The following FMN2 variants were observed in gnomAD, a reference collection of about 807,000 sequenced individuals.
The protein encoded by FMN2 is formin 2.
In FMN2, 51 loss-of-function variants were observed where a neutral mutation model predicts 142.3. The ratio of observed to expected loss-of-function variants is 0.36; its 90% CI spans 0.29 to 0.45. The LOEUF (loss-of-function observed/expected upper bound fraction) is 0.45, where lower values mean the gene tolerates loss of function less well. Among genes scored for constraint, FMN2 ranks in the 20% least tolerant of loss-of-function variants. FMN2 has a pLI of 1.00. For synonymous variants in FMN2, 882 were observed against 869.8 expected, an observed-to-expected ratio of 1.01 and a Z score of -0.25; for missense variants, 1,936 against 2,122.8, an observed-to-expected ratio of 0.91 and a Z score of 1.73.
intron 15 of FMN2, among the ~76,000 whole-genome samples, chr1:240,431,283 A>G (rs1329234753): frequency 2.0e-5 from 3 of 151,504 alleles, no homozygotes; most frequent in Non-Finnish European, 4.4e-5. Flanking sequence ...TCTACCTTGT[A>G]TCTTATGGGA....
chr1:240,290,065 A>G (rs372951981), intron 7 of FMN2, among the ~76,000 whole-genome samples: 193 of 152,318 alleles, frequency 1.3e-3, no homozygotes, highest in Non-Finnish European at 2.1e-3. Flanking sequence ...CTGCCTGCGC[A>G]CAGTCAAGAG....
At chr1:240,349,964 T>TTA (rs1553367011) in intron 13 of FMN2, among the ~76,000 whole-genome samples, 11 of 151,844 alleles carry the variant, frequency 7.2e-5, no homozygotes, top group Non-Finnish European at 1.6e-4. Context: ...ATTTTTTTTT[T>TTA]TTATTTACAT....
At chr1:240,372,745 G>A (rs1281495297) in intron 14 of FMN2, among the ~76,000 whole-genome samples, 1 of 151,122 alleles carries the variant, frequency 6.6e-6, no homozygotes, top group East Asian at 2.0e-4. Context: ...GACCACCACA[G>A]TAAAGCAATA....
At chr1:240,201,429 T>C (rs1007272926) in intron 4 of FMN2, among the ~76,000 whole-genome samples, 7 of 152,278 alleles carry the variant, frequency 4.6e-5, no homozygotes, top group African/African-American at 1.2e-4. Context: ...GAGCACCTCG[T>C]GGAGTTAGCT....
rs141587134 is a variant in FMN2, at chr1:240,325,807, G to A, written c.4216-3269G>A. On this transcript the variant is annotated intron_variant, in intron 8 of 17. Coordinates refer to ENST00000319653, the MANE Select transcript of FMN2 (RefSeq NM_020066.5). ...AGAGGGCCCCAAGCACAGTGTTAAA[G>A]TGCTGGCTAGTGTTTCTGAGCACAA... Among the ~76,000 whole-genome samples, 181 of 152,328 alleles carry A rather than the reference G, an allele frequency of 1.2e-3. 1 individual carries two copies. Among genetic ancestry groups the A allele is most frequent in the African/African-American group, 4.2e-3 (176 of 41,566 alleles).
intron 14 of FMN2, among the ~76,000 whole-genome samples, chr1:240,385,949 T>G (rs1216740436): frequency 5.3e-5 from 8 of 152,302 alleles, no homozygotes; most frequent in Non-Finnish European, 1.5e-5. Flanking sequence ...AGCTGTAAAT[T>G]ATTGCAAAAG....
chr1:240,315,110 G>A (rs1416681083), intron 8 of FMN2, among the ~76,000 whole-genome samples: 11 of 152,130 alleles, frequency 7.2e-5, no homozygotes, highest in African/African-American at 2.4e-4. Flanking sequence ...TGTTCACTAG[G>A]CTGTCTTCAA....
rs150067928 is a variant in FMN2, at chr1:240,247,697, G to C, written c.4066-10248G>C. ...TGGACAGGAAGGGATGAGATGAAAC[G>C]GGTGGCTTTGGAATTACTTGGAAGG... On this transcript the variant is annotated intron_variant, in intron 6 of 17. Transcript: ENST00000319653. 2.9e-3 allele frequency among the ~76,000 whole-genome samples: 435 copies of C among 152,118 alleles called. 1 individual carries two copies. The highest frequency in any genetic ancestry group is 4.6e-3 in the Non-Finnish European group (312 of 67,990).
intron 8 of FMN2, among the ~76,000 whole-genome samples, chr1:240,323,147 C>T (rs1671033359): frequency 6.8e-6 from 1 of 145,992 alleles, no homozygotes; most frequent in South Asian, 2.2e-4. Context: ...TTTTCCTTTC[C>T]TTTCTCTTTC....
rs78762441 is a variant in FMN2 at position 240,457,238 on chromosome 1, G to C, written c.5061-15134G>C. Among the ~76,000 whole-genome samples the C allele has an allele frequency of 3.9e-3, 595 of 152,266 alleles. 5 individuals are homozygous for C. The highest frequency in any genetic ancestry group is 0.014 in the African/African-American group (579 of 41,550). On this transcript the variant is annotated intron_variant, in intron 16 of 17. Transcript: ENST00000319653. ...CCTAAGTTAGATTCTCTAAGGAATG[G>C]ATATCCTGAGACAAATCCTGGGAAG...
chr1:240,225,151 G>T (rs1458865705), intron 6 of FMN2, among the ~76,000 whole-genome samples: 1 of 152,146 alleles, frequency 6.6e-6, no homozygotes, highest in Non-Finnish European at 1.5e-5. Context: ...AAGAAACGAG[G>T]CTTAAAAATA....
chr1:240,423,711 G>A (rs1167157587), intron 15 of FMN2, among the ~76,000 whole-genome samples: 1 of 152,208 alleles, frequency 6.6e-6, no homozygotes, highest in African/African-American at 2.4e-5. Context: ...GGCCAGAACT[G>A]AATTGCTGAC....
chr1:240,375,534 A>G (rs1362501448), intron 14 of FMN2, among the ~76,000 whole-genome samples: 2 of 152,190 alleles, frequency 1.3e-5, no homozygotes, highest in African/African-American at 4.8e-5. Flanking sequence ...TTAATAAAGC[A>G]ATGCATTTAG....
intron 14 of FMN2, among the ~76,000 whole-genome samples, chr1:240,366,663 A>G (rs1295771074): frequency 1.3e-5 from 2 of 151,482 alleles, no homozygotes; most frequent in African/African-American, 4.9e-5. Context: ...TCAGCCTTCC[A>G]AGTTCAGCCT....
In FMN2 at chr1:240,434,601, A is replaced by T. The variant is rs1002745986; in HGVS notation, c.4911-3460A>T. Among the ~76,000 whole-genome samples the T allele has an allele frequency of 2.7e-5, 4 of 149,046 alleles. No individual in the cohort carries two copies. The South Asian group carries it at 8.5e-4, about 32-fold the overall frequency. ...TTTTGAGATGGAGTCTCGCTCTGTC[A>T]CCCAGGCTGGAGTGCAGTGACGCTA... On this transcript the variant is annotated intron_variant, in intron 15 of 17. Coordinates refer to ENST00000319653, the MANE Select transcript of FMN2 (RefSeq NM_020066.5).
intron 16 of FMN2, among the ~76,000 whole-genome samples, chr1:240,461,183 C>T (rs1558119881): frequency 1.3e-5 from 2 of 152,162 alleles, no homozygotes; most frequent in Non-Finnish European, 1.5e-5. Flanking sequence ...TGAAAGCGAA[C>T]GCTCTGGAAG....
intron 15 of FMN2, among the ~76,000 whole-genome samples, chr1:240,437,555 G>A (rs534079738): frequency 1.3e-5 from 2 of 152,156 alleles, no homozygotes; most frequent in East Asian, 1.9e-4. Flanking sequence ...ACCCACCTTG[G>A]CCTCCCAAAG....
chr1:240,375,760 G>A (rs1351580427), intron 14 of FMN2, among the ~76,000 whole-genome samples: 1 of 152,162 alleles, frequency 6.6e-6, no homozygotes, highest in Admixed American at 6.5e-5. Flanking sequence ...AGCTGCAAGG[G>A]TGACCTGTCA....
intron 2 of FMN2, among the ~76,000 whole-genome samples, chr1:240,173,557 A>G (rs1664795764): frequency 6.6e-6 from 1 of 152,162 alleles, no homozygotes; most frequent in African/African-American, 2.4e-5. Flanking sequence ...TGGAGAAGGC[A>G]TTCTAGTGGC....
Sources: gnomAD v4.1 joint callset for allele counts (sites outside exome capture counted in the v4.1 genomes callset) on GRCh38, gnomAD v4.1.1 for gene constraint, MANE v1.5 for transcripts, NCBI Gene and HGNC (gene_info 2026-07-23, HGNC 2026-07-21) for gene names.